Variants in RGS7 observed in about 807,000 individuals in gnomAD.
RGS7 encodes regulator of G protein signaling 7, also known as regulator of G-protein signaling 7.
A neutral mutation model predicts 81.1 loss-of-function variants in RGS7; 27 were observed. The ratio of observed to expected loss-of-function variants is 0.33; its 90% CI spans 0.25 to 0.46. RGS7 has a LOEUF of 0.46. Ranked by LOEUF, RGS7 falls within the 20% of genes least tolerant of loss-of-function variation. The pLI, the probability that RGS7 is intolerant of heterozygous loss-of-function variation, is 1.00. For missense variants in RGS7, 396 were observed against 607.4 expected (o/e 0.65, Z 3.66); for synonymous variants, 208 against 207.7 (o/e 1.00, Z -0.01).
At chr1:240,785,492 A>G (rs538490587) in intron 18 of RGS7, among the ~76,000 whole-genome samples, 4 of 152,342 alleles carry the variant, frequency 2.6e-5, no homozygotes, top group South Asian at 4.1e-4. Flanking sequence ...GTGATAACGG[A>G]CAGCTGTTAA....
At chr1:240,871,346 C>T (rs775918861) in intron 6 of RGS7, among the ~76,000 whole-genome samples, 5 of 152,094 alleles carry the variant, frequency 3.3e-5, no homozygotes, top group African/African-American at 9.7e-5. Context: ...TTTTGGATAA[C>T]GACGTCCAGC....
At chr1:241,242,462 T>A (rs949063249) in intron 2 of RGS7, among the ~76,000 whole-genome samples, 10 of 152,236 alleles carry the variant, frequency 6.6e-5, no homozygotes, top group Admixed American at 4.6e-4. Context: ...CTTTCTCGTA[T>A]AATGACTTCT....
chr1:241,062,846 G>T (rs1411255740), intron 3 of RGS7, among the ~76,000 whole-genome samples: 2 of 152,118 alleles, frequency 1.3e-5, no homozygotes, highest in African/African-American at 2.4e-5. Flanking sequence ...ACGTGTTAAA[G>T]ACCCTATTAC....
intron 2 of RGS7, among the ~76,000 whole-genome samples, chr1:241,220,896 G>C (rs2074852727): frequency 6.6e-6 from 1 of 150,448 alleles, no homozygotes; most frequent in African/African-American, 2.5e-5. Flanking sequence ...CAGAGAGAGA[G>C]AGATGAAAGG....
intron 3 of RGS7, among the ~76,000 whole-genome samples, chr1:241,037,776 C>G (rs1271698185): frequency 6.6e-6 from 1 of 150,472 alleles, no homozygotes; most frequent in Non-Finnish European, 1.5e-5. Flanking sequence ...CCGTGGAACA[C>G]TACTCAGCCA....
At chr1:241,055,206 G>A (rs12059938) in intron 3 of RGS7, among the ~76,000 whole-genome samples, 2,982 of 152,074 alleles carry the variant, frequency 0.02, 110 homozygotes, top group African/African-American at 0.069. Context: ...CTTTCAATTC[G>A]GACACTATCT....
intron 3 of RGS7, among the ~76,000 whole-genome samples, chr1:241,048,905 C>A (rs1172342360): frequency 6.6e-6 from 1 of 152,194 alleles, no homozygotes; most frequent in Non-Finnish European, 1.5e-5. Flanking sequence ...GGCGATCTCC[C>A]TGCCTCTTCC....
intron 9 of RGS7, among the ~76,000 whole-genome samples, chr1:240,853,628 G>A (rs1432208057): frequency 2.0e-5 from 3 of 152,102 alleles, no homozygotes; most frequent in Admixed American, 6.5e-5. Context: ...TGTTCTGGCC[G>A]GGCGCAGTGA....
chr1:241,192,955 A>C (rs895370654), intron 2 of RGS7, among the ~76,000 whole-genome samples: 6 of 152,230 alleles, frequency 3.9e-5, no homozygotes, highest in African/African-American at 1.4e-4. Flanking sequence ...CACAATGGAG[A>C]AAATTAAGGT....
In RGS7 at chr1:240,960,323, A is replaced by G. The variant is rs532860014; in HGVS notation, c.226+22756T>C. Among the ~76,000 whole-genome samples, 197 of 145,026 alleles carry G rather than the reference A, an allele frequency of 1.4e-3. 1 individual carries two copies. Among genetic ancestry groups the G allele is most frequent in the Admixed American group, 2.6e-3 (36 of 13,894 alleles). ...CAGTGGTACAATCATGGCTCACTTC[A>G]GTCTCAACCTCCTGGGCTCAAGCCA... is the stretch of plus-strand genomic sequence containing the variant. On this transcript the variant is annotated intron_variant, in intron 4 of 18. Coordinates refer to ENST00000440928, the MANE Select transcript of RGS7 (RefSeq NM_001364886.1).
intron 9 of RGS7, among the ~76,000 whole-genome samples, chr1:240,860,163 T>C (rs1661942706): frequency 1.3e-5 from 2 of 152,218 alleles, no homozygotes; most frequent in South Asian, 4.1e-4. Context: ...GAAGAACGTG[T>C]ATTCTGCTGC....
intron 2 of RGS7, among the ~76,000 whole-genome samples, chr1:241,109,213 C>T (rs1467676915): frequency 6.6e-6 from 1 of 152,174 alleles, no homozygotes; most frequent in East Asian, 1.9e-4. Context: ...ATTGCTCCTG[C>T]CTGCCTCACC....
intron 3 of RGS7, among the ~76,000 whole-genome samples, chr1:241,048,192 A>T (rs1274991274): frequency 3.3e-5 from 5 of 152,106 alleles, no homozygotes; most frequent in African/African-American, 4.8e-5. Flanking sequence ...CCTTATTTCC[A>T]CTTTAGATCC....
chr1:240,902,617 T>A (rs1670196877), intron 6 of RGS7, among the ~76,000 whole-genome samples: 1 of 152,188 alleles, frequency 6.6e-6, no homozygotes, highest in Non-Finnish European at 1.5e-5. Flanking sequence ...AGAGACAAAC[T>A]TCCACTATGT....
rs367885616 is a variant in RGS7 at position 240,867,873 on chromosome 1, A to G, written c.609+714T>C. ...AAAAATTAGCCAGGCTTGGTGGCAC[A>G]TGCCTGTTGTCCCAGATACTTGGGA... On this transcript the variant is annotated intron_variant, in intron 9 of 18. Coordinates refer to ENST00000440928, the MANE Select transcript of RGS7 (RefSeq NM_001364886.1). Among the ~76,000 whole-genome samples the G allele has an allele frequency of 6.3e-3, 951 of 151,976 alleles. 5 individuals are homozygous for G. Among genetic ancestry groups the G allele is most frequent in the African/African-American group, 0.022 (921 of 41,434 alleles).
intron 2 of RGS7, among the ~76,000 whole-genome samples, chr1:241,287,665 T>C (rs377712404): frequency 1.3e-5 from 2 of 152,268 alleles, no homozygotes; most frequent in African/African-American, 4.8e-5. Flanking sequence ...CCTCGTGTAA[T>C]GGTCTTAGGC....
chr1:241,134,606 G>A (rs2067357005), intron 2 of RGS7, among the ~76,000 whole-genome samples: 1 of 152,152 alleles, frequency 6.6e-6, no homozygotes, highest in Non-Finnish European at 1.5e-5. Context: ...CGCCATAGAA[G>A]CGGAAGTCAC....
At chr1:240,877,795 C>T (rs954686550) in intron 6 of RGS7, among the ~76,000 whole-genome samples, 2 of 152,132 alleles carry the variant, frequency 1.3e-5, no homozygotes, top group Admixed American at 6.5e-5. Context: ...AGGGTTATTG[C>T]TGAGTCAGGG....
chr1:241,210,849 G>C (rs1398790116), intron 2 of RGS7, among the ~76,000 whole-genome samples: 1 of 152,194 alleles, frequency 6.6e-6, no homozygotes, highest in African/African-American at 2.4e-5. Flanking sequence ...TCTACTCTGT[G>C]AGTCTATAAA....
Sources: gnomAD v4.1 joint callset for allele counts (sites outside exome capture counted in the v4.1 genomes callset) on GRCh38, gnomAD v4.1.1 for gene constraint, MANE v1.5 for transcripts, NCBI Gene and HGNC (gene_info 2026-07-23, HGNC 2026-07-21) for gene names.